The following TM6SF1 variants were observed in gnomAD, a reference collection of about 807,000 sequenced individuals.
TM6SF1 encodes transmembrane 6 superfamily member 1.
TM6SF1 carries 43 observed loss-of-function variants against 47.1 expected under a neutral mutation model. The observed-to-expected ratio is 0.91, with a 90% CI of 0.72 to 1.18. The LOEUF is 1.18. Ranked by LOEUF, TM6SF1 falls within the 50% of genes most tolerant of loss-of-function variation. The pLI is 0.00. For missense variants in TM6SF1, 390 were observed against 449.0 expected (o/e 0.87, Z 1.19); for synonymous variants, 177 against 166.3 (o/e 1.06, Z -0.49).
At chr15:83,119,789 A>G in intron 4 of TM6SF1, 108 bp downstream of exon 4, 1 of 1,543,258 alleles carries the variant, frequency 6.5e-7, no homozygotes, top group East Asian at 2.3e-5. Context: ...TATACTGGAC[A>G]TGAATATAAG....
intron 9 of TM6SF1, 60 bp downstream of exon 9, chr15:83,127,537 T>C: frequency 9.4e-6 from 15 of 1,587,600 alleles, no homozygotes; most frequent in Admixed American, 3.5e-5. Flanking sequence ...TTGTTGAATA[T>C]ATGAAAAACT....
intron 3 of TM6SF1, among the ~76,000 whole-genome samples, chr15:83,119,146 A>G (rs1337731241): frequency 6.6e-6 from 1 of 152,138 alleles, no homozygotes; most frequent in Non-Finnish European, 1.5e-5. Flanking sequence ...CCAGCCCAGC[A>G]AGCCACGGGA....
intron 4 of TM6SF1, among the ~76,000 whole-genome samples, chr15:83,120,313 A>C (rs1412215897): frequency 6.6e-6 from 1 of 152,158 alleles, no homozygotes; most frequent in Non-Finnish European, 1.5e-5. Flanking sequence ...CATTGCACTA[A>C]TCCCTGAAGT....
intron 9 of TM6SF1, chr15:83,133,487 AATCAGAGTAT>A (rs2151385681): frequency 6.6e-6 from 1 of 152,372 alleles, no homozygotes; most frequent in African/African-American, 2.4e-5. Context: ...CTTAAAAAAA[AATCAGAGTAT>A]ATCTCTTAAT....
chr15:83,127,474 T>A lies in TM6SF1; in HGVS notation c.918T>A (p.Ala306=). The stretch of plus-strand genomic sequence containing the variant: ...CATTGATACATGCTGGAGGTCTGGC[T>A]CAGGTACTAAGAATATTCTGTTGAG... ...DITLIHAGGL[A]QAQFSHIGAS... is the part of the protein sequence containing the mutation. The change falls in exon 9 of 10, where the codon GCT becomes GCA. Residue 306 remains alanine (A), a synonymous_variant. Coordinates refer to ENST00000322019, the MANE Select transcript of TM6SF1 (RefSeq NM_023003.5). 6.2e-7 allele frequency: 1 copy of A among 1,613,560 alleles called. No individual in the cohort carries two copies. The highest frequency in any genetic ancestry group is 2.2e-5 in the East Asian group (1 of 44,838).
At chr15:83,123,797 G>A (rs764864010) in intron 6 of TM6SF1, among the ~76,000 whole-genome samples, 18 of 152,230 alleles carry the variant, frequency 1.2e-4, no homozygotes, top group Non-Finnish European at 2.2e-4. Flanking sequence ...TGTGTCAACA[G>A]AGTAGGTATG....
In TM6SF1 at chr15:83,137,108, C is replaced by T. The variant is rs2036659602; in HGVS notation, c.*436C>T. 1 of 152,296 alleles carries T rather than the reference C, an allele frequency of 6.6e-6. No individual in the cohort carries two copies. The highest frequency in any genetic ancestry group is 1.5e-5 in the Non-Finnish European group (1 of 68,142). The allele number at this position is 152,296 out of a possible 1,614,324, so 9.4% of individuals were successfully genotyped here. On this transcript the variant is annotated 3_prime_UTR_variant, in exon 10 of 10. Coordinates refer to ENST00000322019, the MANE Select transcript of TM6SF1 (RefSeq NM_023003.5). ...AAGATGAATATGCTTCATTATTAAA[C>T]TCAATATAAAAGGCAAATCATCAGA...
intron 9 of TM6SF1, chr15:83,128,895 G>A (rs976147178): frequency 6.6e-6 from 1 of 152,160 alleles, no homozygotes; most frequent in African/African-American, 2.4e-5. Flanking sequence ...TGATGGCACA[G>A]TCATAGCTCA....
chr15:83,111,512 C>T (rs1264228226), intron 1 of TM6SF1: 1 of 481,310 alleles, frequency 2.1e-6, no homozygotes, highest in Non-Finnish European at 2.7e-6. Context: ...TCTATCCATC[C>T]ACTCATCGTC....
intron 3 of TM6SF1, 83 bp downstream of exon 3, chr15:83,116,025 A>G: frequency 9.1e-7 from 1 of 1,098,112 alleles, no homozygotes; most frequent in East Asian, 2.4e-5. Context: ...AAATCCTCTC[A>G]TTTAGTGTGA....
At chr15:83,135,666 T>A (rs1049634695) in intron 9 of TM6SF1, 1 of 152,228 alleles carries the variant, frequency 6.6e-6, no homozygotes, top group African/African-American at 2.4e-5. Context: ...AATTGGCACA[T>A]TCTGAATGTG....
rs555357855 is a variant in TM6SF1, at chr15:83,126,736, A to G, written c.709-19A>G. On this transcript the variant is annotated intron_variant, in intron 7 of 9. Coordinates refer to ENST00000322019, the MANE Select transcript of TM6SF1 (RefSeq NM_023003.5). ...CAGATGTGATTGTATTTTTATAATGAGTTTATTTTTGTCCTTAGATTGCTT... is the reference window on the plus strand; with the variant it reads ...CAGATGTGATTGTATTTTTATAATGGGTTTATTTTTGTCCTTAGATTGCTT... The G allele has an allele frequency of 6.3e-7, 1 of 1,588,938 alleles. No homozygotes were observed. Among genetic ancestry groups the G allele is most frequent in the African/African-American group, 1.4e-5 (1 of 73,936 alleles).
At chr15:83,131,330 G>GTGT (rs2036230379) in intron 9 of TM6SF1, 2 of 151,962 alleles carry the variant, frequency 1.3e-5, no homozygotes, top group Admixed American at 1.3e-4. Context: ...ATAGGCCAAT[G>GTGT]GAAGAAATAT....
chr15:83,119,817 A>G, intron 4 of TM6SF1, 136 bp downstream of exon 4: 1 of 1,418,418 alleles, frequency 7.1e-7, no homozygotes, highest in Non-Finnish European at 9.5e-7. Flanking sequence ...GGTGCACGTC[A>G]GACGTGGCTT....
At chr15:83,135,386 T>C (rs190417088) in intron 9 of TM6SF1, 1 of 152,376 alleles carries the variant, frequency 6.6e-6, no homozygotes, top group African/African-American at 2.4e-5. Context: ...TCTTGTTACT[T>C]CTATGCCTTC....
In TM6SF1 at chr15:83,107,931, G is replaced by A; in HGVS notation, c.92+159G>A. ...CCCCGCGCCTGGCCAGACTAGGGGGGCGCCCCAGGGGTCGCACGGGCCGGG... is the reference window on the plus strand; with the variant it reads ...CCCCGCGCCTGGCCAGACTAGGGGGACGCCCCAGGGGTCGCACGGGCCGGG... On this transcript the variant is annotated intron_variant, in intron 1 of 9. Transcript: ENST00000322019. The surrounding 1 kb of genome is among the most constrained non-coding windows in gnomAD (Gnocchi z 5.6). 7.8e-7 allele frequency: 1 copy of A among 1,277,976 alleles called. No individual in the cohort carries two copies. The highest frequency in any genetic ancestry group is 9.9e-7 in the Non-Finnish European group (1 of 1,005,638). 79.2% of individuals were successfully genotyped at this position (1,277,976 alleles called of 1,614,324 possible). A position where few individuals can be genotyped will look rare whatever the true frequency, so the allele number is the denominator to read the frequency against.
intron 5 of TM6SF1, among the ~76,000 whole-genome samples, chr15:83,122,398 G>A (rs1470802344): frequency 6.7e-6 from 1 of 150,362 alleles, no homozygotes; most frequent in Non-Finnish European, 1.5e-5. Flanking sequence ...TATATAGGTA[G>A]ATAGATAGAT....
chr15:83,126,450 T>C (rs1391864627), intron 7 of TM6SF1, among the ~76,000 whole-genome samples: 1 of 152,188 alleles, frequency 6.6e-6, no homozygotes, highest in Non-Finnish European at 1.5e-5. Flanking sequence ...CCAAGAAAAG[T>C]GAAACTCATA....
At chr15:83,112,630 G>C in intron 1 of TM6SF1, 167 bp from the exon 2 acceptor site, 1 of 625,518 alleles carries the variant, frequency 1.6e-6, no homozygotes, top group Non-Finnish European at 2.9e-6. Flanking sequence ...GGGCCAAAGA[G>C]CTGCAGATAA....
Sources: allele counts gnomAD v4.1 joint callset (sites outside exome capture counted in the v4.1 genomes callset), GRCh38; gene constraint gnomAD v4.1.1; non-coding constraint Gnocchi (gnomAD v3.1); transcripts MANE v1.5; gene names NCBI Gene and HGNC (gene_info 2026-07-23, HGNC 2026-07-21).